Variants in LRMDA observed in about 807,000 individuals in gnomAD.
The protein encoded by LRMDA is leucine rich melanocyte differentiation associated, also known as leucine-rich melanocyte differentiation-associated protein.
A neutral mutation model predicts 29.8 loss-of-function variants in LRMDA; 18 were observed. That is an observed-to-expected ratio of 0.60 (90% CI 0.42 to 0.90). LRMDA has a LOEUF of 0.90. Ranked by LOEUF, LRMDA falls within the 40% of genes least tolerant of loss-of-function variation. LRMDA has a pLI of 0.00. For missense variants in LRMDA, 273 were observed against 273.9 expected (o/e 1.00, Z 0.02); for synonymous variants, 125 against 109.4 (o/e 1.14, Z -0.89).
Position 76,558,182 on chromosome 10 carries a change from C to T in LRMDA, c.*894C>T, listed in dbSNP as rs969069201. ...ACTTCCAGTGATGCCTGTGGCCATA[C>T]TTGTGCGTGGGGCTGGCTTGCTCCT... On this transcript the variant is annotated 3_prime_UTR_variant, in exon 7 of 7. Transcript: ENST00000611255. 3.9e-5 allele frequency: 6 copies of T among 152,160 alleles called. No homozygotes were observed. Among genetic ancestry groups the T allele is most frequent in the Non-Finnish European group, 5.9e-5 (4 of 68,070 alleles). The allele number at this position is 152,160 out of a possible 1,614,324, so 9.4% of individuals were successfully genotyped here.
chr10:76,080,661 T>A (rs1375892333), intron 5 of LRMDA, among the ~76,000 whole-genome samples: 1 of 152,228 alleles, frequency 6.6e-6, no homozygotes, highest in Non-Finnish European at 1.5e-5. Context: ...ATGTTTTTTA[T>A]ATAAATCATA....
intron 6 of LRMDA, among the ~76,000 whole-genome samples, chr10:76,518,078 A>AGT (rs961382618): frequency 6.6e-6 from 1 of 151,846 alleles, no homozygotes; most frequent in African/African-American, 2.4e-5. Flanking sequence ...TGAACTCACA[A>AGT]GTGAACTACC....
At position 75,947,487 on chromosome 10, in the gene LRMDA, C is replaced by T. The variant is rs992342137; in HGVS notation, c.132-88521C>T. 3.8e-4 allele frequency among the ~76,000 whole-genome samples: 58 copies of T among 152,092 alleles called. 1 individual carries two copies. Among genetic ancestry groups the T allele is most frequent in the Middle Eastern group, 3.2e-3 (1 of 316 alleles). On this transcript the variant is annotated intron_variant, in intron 2 of 6. Transcript: ENST00000611255. ...TTCATGTAGGCAGGTGCCCAGAGTG[C>T]GAGGAGGCCCATGTCCATTCCATGC... is the stretch of plus-strand genomic sequence containing the variant.
At chr10:76,509,227 A>T (rs377403573) in intron 6 of LRMDA, among the ~76,000 whole-genome samples, 8 of 152,262 alleles carry the variant, frequency 5.3e-5, no homozygotes, top group Admixed American at 2.6e-4. Context: ...AATAATTTCT[A>T]ATGTCACTCC....
At chr10:75,890,125 C>A (rs1845459319) in intron 2 of LRMDA, among the ~76,000 whole-genome samples, 1 of 152,180 alleles carries the variant, frequency 6.6e-6, no homozygotes, top group Admixed American at 6.5e-5. Flanking sequence ...AAGCTCACAT[C>A]TTGAGATGGA....
At chr10:76,074,387 C>G (rs902242044) in intron 5 of LRMDA, among the ~76,000 whole-genome samples, 1 of 152,134 alleles carries the variant, frequency 6.6e-6, no homozygotes, top group Non-Finnish European at 1.5e-5. Flanking sequence ...TAACATCTAC[C>G]TCCTTCTTGT....
chr10:75,824,251 T>G (rs146710837), intron 2 of LRMDA, among the ~76,000 whole-genome samples: 2 of 152,368 alleles, frequency 1.3e-5, no homozygotes, highest in East Asian at 3.9e-4. Flanking sequence ...GCCTTTTTAA[T>G]GTAGCTACTA....
chr10:75,781,040 T>C (rs1268168258), intron 2 of LRMDA, among the ~76,000 whole-genome samples: 1 of 152,214 alleles, frequency 6.6e-6, no homozygotes, highest in Non-Finnish European at 1.5e-5. Context: ...TGGCATCCTC[T>C]TTCTCCGAAG....
At chr10:76,472,263 T>C (rs1842625642) in intron 6 of LRMDA, among the ~76,000 whole-genome samples, 2 of 151,780 alleles carry the variant, frequency 1.3e-5, no homozygotes, top group Admixed American at 1.3e-4. Context: ...TTAATAAATT[T>C]GGGGAATTCT....
intron 5 of LRMDA, among the ~76,000 whole-genome samples, chr10:76,235,199 G>A (rs1429180130): frequency 2.0e-5 from 3 of 152,084 alleles, no homozygotes; most frequent in Non-Finnish European, 2.9e-5. Context: ...AGAGAGAGAT[G>A]GGGAAACAGT....
intron 2 of LRMDA, among the ~76,000 whole-genome samples, chr10:75,573,835 T>C (rs1246184130): frequency 6.6e-6 from 1 of 152,190 alleles, no homozygotes; most frequent in African/African-American, 2.4e-5. Context: ...GTCACAGGTC[T>C]TGGGTTCTGG....
intron 2 of LRMDA, among the ~76,000 whole-genome samples, chr10:75,441,941 T>A (rs1844330879): frequency 6.6e-6 from 1 of 152,212 alleles, no homozygotes; most frequent in African/African-American, 2.4e-5. Context: ...TTTATATAGC[T>A]AATACAGGCA....
intron 5 of LRMDA, among the ~76,000 whole-genome samples, chr10:76,319,393 C>T (rs756568536): frequency 2.0e-5 from 3 of 152,232 alleles, no homozygotes; most frequent in Non-Finnish European, 2.9e-5. Context: ...TGAGTAAGGG[C>T]GTAACTACTG....
intron 2 of LRMDA, among the ~76,000 whole-genome samples, chr10:75,720,174 A>G (rs1162871299): frequency 1.3e-5 from 2 of 152,204 alleles, no homozygotes; most frequent in African/African-American, 2.4e-5. Flanking sequence ...AAAATTTGAG[A>G]ATCCTGAGAC....
chr10:76,312,936 G>C (rs1365928692), intron 5 of LRMDA, among the ~76,000 whole-genome samples: 2 of 152,060 alleles, frequency 1.3e-5, no homozygotes, highest in East Asian at 1.9e-4. Context: ...GAAGAGATAA[G>C]ATATTAAACA....
At chr10:75,630,356 C>G (rs1037759817) in intron 2 of LRMDA, among the ~76,000 whole-genome samples, 3 of 152,246 alleles carry the variant, frequency 2.0e-5, no homozygotes, top group African/African-American at 7.2e-5. Context: ...GTTTCGGAGA[C>G]CAGTCTTCGC....
chr10:76,243,162 G>A (rs1211775060), intron 5 of LRMDA, among the ~76,000 whole-genome samples: 1 of 152,182 alleles, frequency 6.6e-6, no homozygotes, highest in Non-Finnish European at 1.5e-5. Context: ...ACAAGCCTCG[G>A]AGTGAACTGT....
rs140804203 is a variant in LRMDA at position 75,595,775 on chromosome 10, A to G, written c.131+157281A>G. Reference sequence around the variant, plus strand: ...CATAATGAAGAAGCAAGTTGAAAAGACTAGGAAATAAATTCATAAAAGATA... The same window carrying G: ...CATAATGAAGAAGCAAGTTGAAAAGGCTAGGAAATAAATTCATAAAAGATA... On this transcript the variant is annotated intron_variant, in intron 2 of 6. Coordinates refer to ENST00000611255, the MANE Select transcript of LRMDA (RefSeq NM_001305581.2). 5.2e-3 allele frequency among the ~76,000 whole-genome samples: 792 copies of G among 152,076 alleles called. 4 individuals carry two copies. In the Middle Eastern group the frequency reaches 0.054, roughly 10 times the overall value.
At chr10:75,500,073 G>A (rs1845093912) in intron 2 of LRMDA, among the ~76,000 whole-genome samples, 1 of 152,078 alleles carries the variant, frequency 6.6e-6, no homozygotes, top group African/African-American at 2.4e-5. Context: ...CTTTAGTTGA[G>A]TGATGTGTTA....
Sources: gnomAD v4.1 joint callset for allele counts (sites outside exome capture counted in the v4.1 genomes callset) on GRCh38, gnomAD v4.1.1 for gene constraint, MANE v1.5 for transcripts, NCBI Gene and HGNC (gene_info 2026-07-23, HGNC 2026-07-21) for gene names.